Variants in PLCB1 observed in about 807,000 individuals in gnomAD.
The protein encoded by PLCB1 is 1-phosphatidylinositol 4,5-bisphosphate phosphodiesterase beta-1.
A neutral mutation model predicts 161.8 loss-of-function variants in PLCB1; 46 were observed. That is an observed-to-expected ratio of 0.28 (90% CI 0.22 to 0.36). The LOEUF is 0.36. PLCB1 is among the 10% of genes least tolerant of loss of function. The pLI is 1.00. For synonymous variants in PLCB1, 517 were observed against 503.7 expected (o/e 1.03, Z -0.35); for missense variants, 1,016 against 1,472.5 (o/e 0.69, Z 5.07).
chr20:8,732,336 A>G (rs975668437), intron 18 of PLCB1, among the ~76,000 whole-genome samples: 11 of 152,074 alleles, frequency 7.2e-5, no homozygotes, highest in African/African-American at 1.7e-4. Flanking sequence ...AGGGCATTTT[A>G]GCAAGGCATC....
intron 3 of PLCB1, among the ~76,000 whole-genome samples, chr20:8,415,532 T>C: frequency 6.6e-6 from 1 of 151,614 alleles, no homozygotes; most frequent in South Asian, 2.1e-4. Flanking sequence ...GTGAGTGGAG[T>C]AGGGGGAGTG....
intron 3 of PLCB1, among the ~76,000 whole-genome samples, chr20:8,600,380 C>T (rs982711306): frequency 8.5e-6 from 1 of 117,532 alleles, no homozygotes; most frequent in Non-Finnish European, 1.8e-5. Flanking sequence ...CAGTGTGCCC[C>T]TGCTGGGGGG....
intron 2 of PLCB1, among the ~76,000 whole-genome samples, chr20:8,240,815 T>C (rs562646038): frequency 1.3e-5 from 2 of 152,094 alleles, no homozygotes; most frequent in East Asian, 3.9e-4. Flanking sequence ...CTACATCAAA[T>C]TTTTTCCAAA....
At chr20:8,566,864 G>A (rs553718828) in intron 3 of PLCB1, among the ~76,000 whole-genome samples, 1 of 148,678 alleles carries the variant, frequency 6.7e-6, no homozygotes, top group South Asian at 2.1e-4. Context: ...AACAGAAGAT[G>A]ATTTATTCTG....
intron 1 of PLCB1, among the ~76,000 whole-genome samples, chr20:8,142,138 A>G (rs887153796): frequency 2.6e-5 from 4 of 152,158 alleles, no homozygotes; most frequent in African/African-American, 9.7e-5. Context: ...TAGGCCTGGC[A>G]CTGGGAGGTG....
At chr20:8,831,627 GTTAC>G (rs1258754244) in intron 31 of PLCB1, among the ~76,000 whole-genome samples, 6 of 151,806 alleles carry the variant, frequency 4.0e-5, no homozygotes, top group South Asian at 4.2e-4. Context: ...AGTTTTCGTT[GTTAC>G]TTATTTATTT....
intron 7 of PLCB1, chr20:8,652,344 A>G (rs1455509113): frequency 6.6e-6 from 1 of 152,184 alleles, no homozygotes; most frequent in African/African-American, 2.4e-5. Flanking sequence ...TTCATAGTAA[A>G]GTATAATTTA....
intron 31 of PLCB1, among the ~76,000 whole-genome samples, chr20:8,840,911 G>T (rs1349625143): frequency 6.6e-6 from 1 of 152,056 alleles, no homozygotes; most frequent in African/African-American, 2.4e-5. Flanking sequence ...CTGCCTCCTG[G>T]GTTCAAGTGA....
At chr20:8,793,579 A>G (rs1451290898) in intron 31 of PLCB1, among the ~76,000 whole-genome samples, 2 of 152,174 alleles carry the variant, frequency 1.3e-5, no homozygotes, top group Non-Finnish European at 2.9e-5. Context: ...AGTTTTTATT[A>G]GAGATTTTCA....
intron 3 of PLCB1, among the ~76,000 whole-genome samples, chr20:8,500,558 T>C (rs936961633): frequency 6.6e-6 from 1 of 152,160 alleles, no homozygotes; most frequent in Non-Finnish European, 1.5e-5. Flanking sequence ...CTACATAATT[T>C]TTTCTGTCAT....
intron 3 of PLCB1, among the ~76,000 whole-genome samples, chr20:8,457,471 C>T (rs1600414800): frequency 6.6e-6 from 1 of 152,098 alleles, no homozygotes; most frequent in Admixed American, 6.6e-5. Context: ...TTTAGGCCTG[C>T]AGCAACGATT....
intron 3 of PLCB1, among the ~76,000 whole-genome samples, chr20:8,523,490 C>CTA (rs1555766812): frequency 5.9e-5 from 4 of 67,728 alleles, no homozygotes; most frequent in South Asian, 4.6e-4. Context: ...CTCTCTCTCT[C>CTA]TCTCTCTATA....
intron 9 of PLCB1, among the ~76,000 whole-genome samples, chr20:8,681,469 T>G (rs1378210650): frequency 6.6e-6 from 1 of 152,200 alleles, no homozygotes; most frequent in East Asian, 1.9e-4. Flanking sequence ...TAAAAGTTGC[T>G]GATCAAACCA....
At chr20:8,545,841 A>G (rs1174115685) in intron 3 of PLCB1, among the ~76,000 whole-genome samples, 1 of 151,984 alleles carries the variant, frequency 6.6e-6, no homozygotes, top group African/African-American at 2.4e-5. Context: ...ATGTTATTCT[A>G]TTTAATAATC....
chr20:8,314,209 G>A (rs1373777605), intron 2 of PLCB1, among the ~76,000 whole-genome samples: 1 of 152,184 alleles, frequency 6.6e-6, no homozygotes, highest in African/African-American at 2.4e-5. Flanking sequence ...CCATAACTAG[G>A]AAAGTTGGAA....
chr20:8,278,385 G>A (rs952014875), intron 2 of PLCB1, among the ~76,000 whole-genome samples: 5 of 130,496 alleles, frequency 3.8e-5, no homozygotes, highest in African/African-American at 1.5e-4. Flanking sequence ...AGCCTGTATG[G>A]ACATTTTTAA....
chr20:8,637,534 T>A (rs1037693890), intron 4 of PLCB1, among the ~76,000 whole-genome samples: 2 of 152,116 alleles, frequency 1.3e-5, no homozygotes, highest in Non-Finnish European at 2.9e-5. Context: ...CTTAATTTTT[T>A]TCTCTCCAAA....
chr20:8,834,720 C>T (rs1986195402), intron 31 of PLCB1, among the ~76,000 whole-genome samples: 1 of 144,940 alleles, frequency 6.9e-6, no homozygotes, highest in Non-Finnish European at 1.5e-5. Context: ...GAGGCTGAGA[C>T]AGGAGAATTG....
chr20:8,883,298 T>C lies in PLCB1; in HGVS notation c.*1449T>C, dbSNP rs1163654181. ...TTATATATTTACTAAGTATATTTAA[T>C]TCACTTAACTCTGTCTTTATAAGTT... is the stretch of plus-strand genomic sequence containing the variant. On this transcript the variant is annotated 3_prime_UTR_variant, in exon 32 of 32. Coordinates refer to ENST00000338037, the MANE Select transcript of PLCB1 (RefSeq NM_015192.4). 6.6e-6 allele frequency: 1 copy of C among 152,154 alleles called. No homozygotes were observed. Among genetic ancestry groups the C allele is most frequent in the Non-Finnish European group, 1.5e-5 (1 of 67,996 alleles). 9.4% of individuals were successfully genotyped at this position (152,154 alleles called of 1,614,324 possible). A position where few individuals can be genotyped will look rare whatever the true frequency, so the allele number is the denominator to read the frequency against.
Sources: gnomAD v4.1 joint callset for allele counts (sites outside exome capture counted in the v4.1 genomes callset) on GRCh38, gnomAD v4.1.1 for gene constraint, MANE v1.5 for transcripts, NCBI Gene and HGNC (gene_info 2026-07-23, HGNC 2026-07-21) for gene names.